The following OLFM3 variants were observed in gnomAD, a reference collection of about 807,000 sequenced individuals.
OLFM3 encodes the protein olfactomedin 3.
In OLFM3, 20 loss-of-function variants were observed where a neutral mutation model predicts 48.6. The ratio of observed to expected loss-of-function variants is 0.41; its 90% CI spans 0.29 to 0.60. The LOEUF is 0.60. Ranked by LOEUF, OLFM3 falls within the 20% of genes least tolerant of loss-of-function variation. The pLI is 0.28. For synonymous variants in OLFM3, 222 were observed against 198.1 expected (o/e 1.12, Z -1.01); for missense variants, 437 against 544.3 (o/e 0.80, Z 1.96).
chr1:101,818,534 A>C (rs945212415), intron 4 of OLFM3, among the ~76,000 whole-genome samples: 5 of 152,074 alleles, frequency 3.3e-5, no homozygotes, highest in African/African-American at 1.2e-4. Flanking sequence ...AGTCTTATAA[A>C]TTTCCTCCAT....
intron 1 of OLFM3, among the ~76,000 whole-genome samples, chr1:101,926,379 C>T (rs1041653974): frequency 3.3e-5 from 5 of 152,102 alleles, no homozygotes; most frequent in Non-Finnish European, 7.4e-5. Context: ...GATTCAGTAT[C>T]CAAGCCATTT....
intron 1 of OLFM3, among the ~76,000 whole-genome samples, chr1:101,937,236 A>G (rs1659649760): frequency 6.6e-6 from 1 of 152,172 alleles, no homozygotes; most frequent in African/African-American, 2.4e-5. Context: ...ACCCACTCAT[A>G]CATCACTGAC....
At chr1:101,831,237 G>A (rs1203482364) in intron 2 of OLFM3, among the ~76,000 whole-genome samples, 1 of 152,148 alleles carries the variant, frequency 6.6e-6, no homozygotes, top group Non-Finnish European at 1.5e-5. Context: ...ATTGTGGATG[G>A]TAGTGAAGTG....
intron 1 of OLFM3, among the ~76,000 whole-genome samples, chr1:101,886,999 T>A (rs1472007831): frequency 6.6e-6 from 1 of 152,080 alleles, no homozygotes; most frequent in Non-Finnish European, 1.5e-5. Context: ...AATTAATGGA[T>A]ATTTTAGTAT....
chr1:101,888,074 C>A (rs529912101), intron 1 of OLFM3, among the ~76,000 whole-genome samples: 1 of 151,894 alleles, frequency 6.6e-6, no homozygotes, highest in Non-Finnish European at 1.5e-5. Context: ...TTTTTACTGC[C>A]CAAGGTAATT....
rs761176709 is a variant in OLFM3 at position 101,806,182 on chromosome 1, G to A, written c.593C>T (p.Thr198Ile). ...TRLRDCMKKL[T>I]CGKLMKITGP... ...TGTGATTTTCATCAGTTTGCCACAT[G>A]CTGAAATTAGAGAAACACAAACGTG... The change falls in exon 5 of 6, where the codon ACA (threonine) becomes ATA (isoleucine). Residue 198 changes from threonine to isoleucine, a missense_variant and splice_region_variant. Thr to Ile is a moderately conservative substitution (Grantham distance 89). This residue lies in a region of OLFM3 where 314 missense variants were observed against 365.5 expected (regional missense o/e 0.86). Transcript: ENST00000370103. The A allele has an allele frequency of 1.2e-6, 2 of 1,610,298 alleles. No individual in the cohort carries two copies. The highest frequency in any genetic ancestry group is 1.7e-6 in the Non-Finnish European group (2 of 1,177,312).
At chr1:101,825,973 T>C (rs1287349174) in intron 3 of OLFM3, among the ~76,000 whole-genome samples, 5 of 152,234 alleles carry the variant, frequency 3.3e-5, no homozygotes, top group Non-Finnish European at 7.3e-5. Context: ...TTCGACTCCA[T>C]TTATCTTACC....
intron 1 of OLFM3, among the ~76,000 whole-genome samples, chr1:101,972,329 G>A (rs139401172): frequency 0.015 from 2,329 of 152,242 alleles, 55 homozygotes; most frequent in African/African-American, 0.054. Flanking sequence ...AATGCTGTCA[G>A]TTCTGCTATT....
At chr1:101,966,918 T>C (rs1050436518) in intron 1 of OLFM3, among the ~76,000 whole-genome samples, 2 of 152,194 alleles carry the variant, frequency 1.3e-5, no homozygotes, top group Non-Finnish European at 2.9e-5. Context: ...ATAAGTACAA[T>C]GTAAGCTTCC....
chr1:101,996,905 T>A lies in OLFM3; in HGVS notation c.-89A>T. 1 of 1,373,540 alleles carries A rather than the reference T, an allele frequency of 7.3e-7. No homozygotes were observed. Among genetic ancestry groups the A allele is most frequent in the Non-Finnish European group, 1.0e-6 (1 of 969,250 alleles). 85.1% of individuals were successfully genotyped at this position (1,373,540 alleles called of 1,614,324 possible). A position where few individuals can be genotyped will look rare whatever the true frequency, so the allele number is the denominator to read the frequency against. On this transcript the variant is annotated 5_prime_UTR_variant, in exon 1 of 6. Transcript: ENST00000370103. ...CCTTTCCCTCGTCAGTTGCACTTTC[T>A]GCCTGCCAGTCAGAGCCGAGTGGAA...
At chr1:101,892,300 C>G (rs977320375) in intron 1 of OLFM3, among the ~76,000 whole-genome samples, 2 of 151,976 alleles carry the variant, frequency 1.3e-5, no homozygotes, top group Non-Finnish European at 2.9e-5. Flanking sequence ...TCTCCATAAA[C>G]CCTTCTAACA....
In OLFM3 at chr1:101,893,260, A is replaced by AG. The variant is rs564348357; in HGVS notation, c.70-56236dup. On this transcript the variant is annotated intron_variant, in intron 1 of 5. Transcript: ENST00000370103. Reference sequence around the variant, plus strand: ...GAAGACAGAGGTGGGGAAAAAAAAAAGGAACAGTACAGTGCTGTCATAATT... The same window carrying AG: ...GAAGACAGAGGTGGGGAAAAAAAAAAGGGAACAGTACAGTGCTGTCATAATT... The AG allele has an allele frequency of 1.1e-3, 337 of 309,352 alleles. 3 individuals carry two copies. The South Asian group carries it at 0.011, about 10-fold the overall frequency. The allele number at this position is 309,352 out of a possible 1,614,324, so 19.2% of individuals were successfully genotyped here.
chr1:101,924,229 C>T (rs1467724566), intron 1 of OLFM3, among the ~76,000 whole-genome samples: 2 of 152,118 alleles, frequency 1.3e-5, no homozygotes, highest in African/African-American at 4.8e-5. Flanking sequence ...GAATTATTTG[C>T]ACAATAGTGG....
At chr1:101,867,887 G>A (rs1656919243) in intron 1 of OLFM3, among the ~76,000 whole-genome samples, 1 of 152,054 alleles carries the variant, frequency 6.6e-6, no homozygotes, top group South Asian at 2.1e-4. Flanking sequence ...ATTGAATCAT[G>A]GGGCAGTTCC....
At chr1:101,806,051 A>C (rs761937346) in intron 5 of OLFM3, 25 bp downstream of exon 5, 13 of 1,529,748 alleles carry the variant, frequency 8.5e-6, no homozygotes, top group Non-Finnish European at 9.1e-7. Flanking sequence ...AATTCTAAGC[A>C]AAGGTGTTTG....
At chr1:101,973,527 T>C (rs527615701) in intron 1 of OLFM3, among the ~76,000 whole-genome samples, 2 of 152,300 alleles carry the variant, frequency 1.3e-5, no homozygotes, top group South Asian at 4.1e-4. Context: ...TTGCCAGCTA[T>C]CTAAGTATCT....
At chr1:101,983,462 A>G (rs184248767) in intron 1 of OLFM3, among the ~76,000 whole-genome samples, 2 of 152,330 alleles carry the variant, frequency 1.3e-5, no homozygotes, top group Admixed American at 1.3e-4. Context: ...ATTAATAAAT[A>G]TCTTTGGGTC....
intron 1 of OLFM3, among the ~76,000 whole-genome samples, chr1:101,975,260 A>T (rs1053962061): frequency 2.0e-5 from 3 of 152,176 alleles, no homozygotes; most frequent in Admixed American, 1.3e-4. Flanking sequence ...ACACCTACAT[A>T]GTCTCATGGA....
chr1:101,869,547 T>A (rs1355397742), intron 1 of OLFM3, among the ~76,000 whole-genome samples: 1 of 152,140 alleles, frequency 6.6e-6, no homozygotes, highest in East Asian at 1.9e-4. Flanking sequence ...AATGTTGGAA[T>A]GAGTTGAGAT....
Sources: allele counts gnomAD v4.1 joint callset (sites outside exome capture counted in the v4.1 genomes callset), GRCh38; gene constraint gnomAD v4.1.1; regional missense constraint gnomAD v4.1.1; transcripts MANE v1.5; gene names NCBI Gene and HGNC (gene_info 2026-07-23, HGNC 2026-07-21).